The following SI variants were observed in gnomAD, a reference collection of about 807,000 sequenced individuals.
The protein encoded by SI is sucrase-isomaltase, also known as sucrase-isomaltase, intestinal.
SI carries 235 observed loss-of-function variants against 253.3 expected under a neutral mutation model. The ratio of observed to expected loss-of-function variants is 0.93; its 90% CI spans 0.83 to 1.03. SI has a LOEUF of 1.03. Among genes scored for constraint, SI ranks in the 50% least tolerant of loss-of-function variants. SI has a pLI of 0.00. For synonymous variants in SI, 819 were observed against 712.0 expected (o/e 1.15, Z -2.39); for missense variants, 2,442 against 2,211.1 (o/e 1.10, Z -2.09).
At position 165,032,556 on chromosome 3, in the gene SI, G is replaced by T. The variant is rs1405462436; in HGVS notation, c.2702C>A (p.Ala901Asp). ...AGCATCATAAGTGAAATTGGAATGA[G>T]CGTTCATTGGTTGATTATTTTCCGC... is the stretch of plus-strand genomic sequence containing the variant. ...RVAENNQPMN[A>D]HSNFTYDASN... The change falls in exon 24 of 48, where the codon GCT becomes GAT. Residue 901 changes from alanine to aspartate, a missense_variant. Coordinates refer to ENST00000264382, the MANE Select transcript of SI (RefSeq NM_001041.4). 6.2e-7 allele frequency: 1 copy of T among 1,608,662 alleles called. No homozygotes were observed. Among genetic ancestry groups the T allele is most frequent in the Non-Finnish European group, 8.5e-7 (1 of 1,176,624 alleles).
the SI span, among the ~76,000 whole-genome samples, chr3:165,085,239 GAAT>G: frequency 6.6e-6 from 1 of 151,974 alleles, no homozygotes; most frequent in Non-Finnish European, 1.5e-5. Flanking sequence ...AACCTAATTG[GAAT>G]AATATTTGTT....
At chr3:165,089,845 G>A in the SI span, among the ~76,000 whole-genome samples, 1 of 151,898 alleles carries the variant, frequency 6.6e-6, no homozygotes. Flanking sequence ...CATCTACACA[G>A]GGCACCTTAT....
rs960922254 is a variant in SI at position 165,068,830 on chromosome 3, T to C, written c.375A>G (p.Gly125=). Residue 125 remains glycine, a splice_region_variant and synonymous_variant, in exon 5 of 48, where the codon GGA becomes GGG. Transcript: ENST00000264382. ...GTATCCTGTTTAATTTGGCTTCAAC[T>C]CCTTAAAGAATAAAAAAAAGCTGCC... ...NVQDMTTTSI[G]VEAKLNRIPS... The C allele has an allele frequency of 1.9e-5, 30 of 1,553,178 alleles. No individual in the cohort carries two copies. Among genetic ancestry groups the C allele is most frequent in the Non-Finnish European group, 2.3e-5 (27 of 1,149,504 alleles).
At chr3:164,993,125 A>C (rs1717850598) in intron 41 of SI, among the ~76,000 whole-genome samples, 1 of 151,824 alleles carries the variant, frequency 6.6e-6, no homozygotes, top group South Asian at 2.1e-4. Context: ...CCATAAACTC[A>C]TGAAAGTAGA....
chr3:165,074,671 G>A lies in SI; in HGVS notation c.119-4C>T. On this transcript the variant is annotated splice_polypyrimidine_tract_variant and splice_region_variant and intron_variant, in intron 2 of 47. Coordinates refer to ENST00000264382, the MANE Select transcript of SI (RefSeq NM_001041.4). ...GTTGAAGTAGAATCACTAATTTCTG[G>A]GGGAGGAAAAAACTCAATAAAATAA... 1 of 1,606,534 alleles carries A rather than the reference G, an allele frequency of 6.2e-7. No individual in the cohort carries two copies. The highest frequency in any genetic ancestry group is 8.5e-7 in the Non-Finnish European group (1 of 1,174,440).
intron 11 of SI, 28 bp from the exon 12 acceptor site, chr3:165,059,110 A>G: frequency 6.3e-7 from 1 of 1,583,464 alleles, no homozygotes; most frequent in East Asian, 2.3e-5. Context: ...AAACTGCAAA[A>G]TCTATTAACT....
rs147943904 is a variant in SI at position 164,996,200 on chromosome 3, G to A, written c.4692+335C>T. Among the ~76,000 whole-genome samples, 7 of 151,784 alleles carry A rather than the reference G, an allele frequency of 4.6e-5. No individual in the cohort carries two copies. The East Asian group carries it at 1.4e-3, about 29-fold the overall frequency. ...GAGCTCTGCCATTTACTTACTATAGGCAGAGCACATCTTTTAAAGGCCAGC... is the reference window on the plus strand; with the variant it reads ...GAGCTCTGCCATTTACTTACTATAGACAGAGCACATCTTTTAAAGGCCAGC... On this transcript the variant is annotated intron_variant, in intron 40 of 47. Transcript: ENST00000264382.
chr3:165,048,959 T>C (rs1713280762), intron 15 of SI, among the ~76,000 whole-genome samples, 168 bp downstream of exon 15: 1 of 152,134 alleles, frequency 6.6e-6, no homozygotes, highest in Non-Finnish European at 1.5e-5. Flanking sequence ...TTCATGAATA[T>C]TAGTAAGAGA....
the SI span, among the ~76,000 whole-genome samples, chr3:165,085,942 T>C: frequency 6.6e-6 from 1 of 152,114 alleles, no homozygotes. Flanking sequence ...GTTTACATTG[T>C]AGTACTCAAA....
chr3:164,994,416 G>A lies in SI; in HGVS notation c.4693-11C>T. On this transcript the variant is annotated splice_polypyrimidine_tract_variant and intron_variant, in intron 40 of 47. Coordinates refer to ENST00000264382, the MANE Select transcript of SI (RefSeq NM_001041.4). ...AGCGGGATCTTGTCTCTGAAACAAA[G>A]CAAAATAACATAGTTATAAGCTTTG... The A allele has an allele frequency of 6.2e-7, 1 of 1,609,370 alleles. No individual in the cohort carries two copies. The highest frequency in any genetic ancestry group is 1.1e-5 in the South Asian group (1 of 90,986).
chr3:165,058,898 A>ACT, intron 12 of SI, 65 bp downstream of exon 12: 1 of 1,412,422 alleles, frequency 7.1e-7, no homozygotes, highest in Non-Finnish European at 1.0e-6. Flanking sequence ...GCACATCCAC[A>ACT]GAAACTTTAT....
chr3:164,988,102 C>A (rs1717529751), intron 44 of SI, among the ~76,000 whole-genome samples: 1 of 152,158 alleles, frequency 6.6e-6, no homozygotes, highest in South Asian at 2.1e-4. Context: ...ACATCTCCAG[C>A]AATCCTTGAG....
intron 35 of SI, 44 bp from the exon 36 acceptor site, chr3:165,008,042 A>G (rs1718600651): frequency 9.7e-7 from 1 of 1,031,854 alleles, no homozygotes; most frequent in Non-Finnish European, 1.5e-6. Flanking sequence ...AGATAAATTT[A>G]CAACATATAT....
rs753867865 is a variant in SI, at chr3:165,030,884, A to AG, written c.2737-18_2737-17insC. ...TAGGAGAACCTTTGAAGACAAAAAA[A>AG]AAAAAAGAAAAAAAGAAAAAAAAAA... On this transcript the variant is annotated splice_polypyrimidine_tract_variant and intron_variant, in intron 24 of 47. Coordinates refer to ENST00000264382, the MANE Select transcript of SI (RefSeq NM_001041.4). 1.2e-5 allele frequency: 19 copies of AG among 1,523,274 alleles called. No individual in the cohort carries two copies. The highest frequency in any genetic ancestry group is 2.4e-5 in the East Asian group (1 of 42,450). 94.4% of individuals were successfully genotyped at this position (1,523,274 alleles called of 1,614,324 possible).
intron 22 of SI, among the ~76,000 whole-genome samples, chr3:165,035,904 C>A (rs1381542449): frequency 6.6e-6 from 1 of 151,506 alleles, no homozygotes; most frequent in Admixed American, 6.6e-5. Flanking sequence ...GTTTGGAGCT[C>A]AAGAAATTCA....
intron 4 of SI, 58 bp from the exon 5 acceptor site, chr3:165,068,889 T>G: frequency 2.6e-6 from 3 of 1,153,608 alleles, no homozygotes; most frequent in Non-Finnish European, 3.9e-6. Flanking sequence ...TAACAATTAT[T>G]AAATATATTT....
chr3:165,078,294 C>T lies in SI; in HGVS notation c.-1+139G>A, dbSNP rs537281030. 5.9e-5 allele frequency: 9 copies of T among 151,762 alleles called. No homozygotes were observed. The South Asian group carries it at 8.3e-4, about 14-fold the overall frequency. The allele number at this position is 151,762 out of a possible 1,614,324, so 9.4% of individuals were successfully genotyped here. A position where few individuals can be genotyped will look rare whatever the true frequency, so the allele number is the denominator to read the frequency against. The stretch of plus-strand genomic sequence containing the variant: ...GTTTAATACAAGGTACTACATATTT[C>T]AAATGGCAACTTAAAATATATGATA... On this transcript the variant is annotated intron_variant, in intron 1 of 47. Coordinates refer to ENST00000264382, the MANE Select transcript of SI (RefSeq NM_001041.4).
chr3:165,018,027 C>A lies in SI; in HGVS notation c.3463G>T (p.Ala1155Ser), dbSNP rs151040229. Residue 1155 changes from alanine to serine, a missense_variant, in exon 29 of 48, where the codon GCT (alanine) becomes TCT (serine). Coordinates refer to ENST00000264382, the MANE Select transcript of SI (RefSeq NM_001041.4). ...NSYGFHPYYM[A>S]LEEEGNAHGV... ...TGAGCATTGCCCTCCTCTTCCAGAG[C>A]CATGTAATAGGGATGAAATCCATAG... The A allele has an allele frequency of 5.6e-6, 9 of 1,611,292 alleles. No homozygotes were observed. In the African/African-American group the frequency reaches 9.3e-5, roughly 17 times the overall value.
chr3:165,066,599 C>T lies in SI; in HGVS notation c.635+741G>A, dbSNP rs117062879. 6.2e-4 allele frequency among the ~76,000 whole-genome samples: 95 copies of T among 152,024 alleles called. 2 individuals are homozygous for T. The East Asian group carries it at 0.016, about 26-fold the overall frequency. ...TCCCCCATTCTCCTCCACTCCCAGC[C>T]TCTGGAAACCATAATCCTACTTTCT... On this transcript the variant is annotated intron_variant, in intron 6 of 47. Coordinates refer to ENST00000264382, the MANE Select transcript of SI (RefSeq NM_001041.4).
Sources: allele counts gnomAD v4.1 joint callset (sites outside exome capture counted in the v4.1 genomes callset), GRCh38; gene constraint gnomAD v4.1.1; transcripts MANE v1.5; gene names NCBI Gene and HGNC (gene_info 2026-07-23, HGNC 2026-07-21).